DNAH10: variants seen among roughly 807,000 people sequenced by gnomAD.
The protein encoded by DNAH10 is axonemal beta dynein heavy chain 10.
DNAH10 carries 348 observed loss-of-function variants against 506.6 expected under a neutral mutation model. The observed-to-expected ratio is 0.69, with a 90% confidence interval of 0.63 to 0.75. The LOEUF (loss-of-function observed/expected upper bound fraction) is 0.75. Ranked by LOEUF, DNAH10 falls within the 30% of genes least tolerant of loss-of-function variation. The probability of loss-of-function intolerance (pLI) is 0.00; values close to 1 mark genes in which losing one functional copy is unlikely to be tolerated. For missense variants in DNAH10, 5,179 were observed against 5,787.1 expected (o/e 0.89, Z 3.41); for synonymous variants, 2,059 against 2,198.6 (o/e 0.94, Z 1.78).
rs912964766 is a variant in DNAH10 at position 123,903,334 on chromosome 12, C to T, written c.9815+221C>T. Reference sequence around the variant, plus strand: ...CGCCCCAGGCATCCAGATCCCCCAGCTAGTAGGAAGCAGGGCCTGCTGACC... The same window carrying T: ...CGCCCCAGGCATCCAGATCCCCCAGTTAGTAGGAAGCAGGGCCTGCTGACC... On this transcript the variant is annotated intron_variant, in intron 57 of 78. Transcript: ENST00000673944. The surrounding 1 kb of genome is among the most constrained non-coding windows in gnomAD (Gnocchi z 4.6). Among the ~76,000 whole-genome samples, 1 of 152,158 alleles carries T rather than the reference C, an allele frequency of 6.6e-6. No homozygotes were observed. The highest frequency in any genetic ancestry group is 1.5e-5 in the Non-Finnish European group (1 of 68,020).
chr12:123,797,513 C>T (rs1565915160), intron 13 of DNAH10, among the ~76,000 whole-genome samples: 1 of 152,270 alleles, frequency 6.6e-6, no homozygotes, highest in East Asian at 1.9e-4. Flanking sequence ...CTGCCTCAGC[C>T]TCCCGAGTAG....
At chr12:123,920,469 G>A (rs1042449806) in intron 65 of DNAH10, among the ~76,000 whole-genome samples, 3 of 152,240 alleles carry the variant, frequency 2.0e-5, no homozygotes, top group Admixed American at 6.5e-5. Context: ...CCATGGCTGT[G>A]TTCCAATAAA....
At chr12:123,922,267 G>T (rs1399411413) in intron 65 of DNAH10, among the ~76,000 whole-genome samples, 1 of 136,154 alleles carries the variant, frequency 7.3e-6, no homozygotes, top group East Asian at 2.0e-4. Context: ...CAGCTACTGG[G>T]GGGGAGGCTG....
intron 27 of DNAH10, among the ~76,000 whole-genome samples, chr12:123,835,051 T>C (rs955708046): frequency 1.3e-5 from 2 of 152,240 alleles, no homozygotes; most frequent in African/African-American, 2.4e-5. Context: ...GCGGAATTGC[T>C]GGGCACATGG....
At chr12:123,847,730 T>A (rs1565986798) in intron 32 of DNAH10, among the ~76,000 whole-genome samples, 1 of 152,210 alleles carries the variant, frequency 6.6e-6, no homozygotes, top group Admixed American at 6.5e-5. Flanking sequence ...GGGAGGGTCA[T>A]CTGCTTTTCT....
intron 42 of DNAH10, 131 bp from the exon 43 acceptor site, chr12:123,867,772 T>C: frequency 7.6e-7 from 1 of 1,322,638 alleles, no homozygotes; most frequent in Non-Finnish European, 1.0e-6. Flanking sequence ...CTGGGTTCCA[T>C]CTGTCTGAAC....
intron 49 of DNAH10, 100 bp from the exon 50 acceptor site, chr12:123,879,534 C>G (rs1372047203): frequency 7.8e-6 from 12 of 1,536,132 alleles, no homozygotes; most frequent in Non-Finnish European, 1.1e-5. Flanking sequence ...AAATAGAACG[C>G]AAATTATTTT....
intron 10 of DNAH10, among the ~76,000 whole-genome samples, chr12:123,789,002 C>T (rs1957975261): frequency 6.6e-6 from 1 of 151,900 alleles, no homozygotes; most frequent in Admixed American, 6.6e-5. Context: ...GTAATCCCAG[C>T]ACTTTGGGAG....
intron 59 of DNAH10, among the ~76,000 whole-genome samples, chr12:123,912,704 T>C (rs956219179): frequency 3.3e-5 from 5 of 152,180 alleles, no homozygotes; most frequent in African/African-American, 1.2e-4. Context: ...TAAGGTTAAT[T>C]TGATCATTTT....
chr12:123,927,485 CCAGGACCATT>C (rs1954999038), intron 69 of DNAH10: 1 of 153,660 alleles, frequency 6.5e-6, no homozygotes, highest in South Asian at 2.1e-4. Context: ...GAGGCTGAGC[CCAGGACCATT>C]CAGGACAGAA....
intron 13 of DNAH10, 105 bp from the exon 14 acceptor site, chr12:123,799,141 T>A: frequency 4.3e-5 from 26 of 600,460 alleles, no homozygotes; most frequent in South Asian, 7.3e-5. Flanking sequence ...ATGTTTATAA[T>A]AATTTATATA....
chr12:123,783,412 A>ATGATATTTTGGGTGTG, intron 7 of DNAH10, 148 bp downstream of exon 7: 1 of 911,096 alleles, frequency 1.1e-6, no homozygotes, highest in Non-Finnish European at 1.6e-6. Context: ...CACACCCAAA[A>ATGATATTTTGGGTGTG]TATCATTTCT....
At chr12:123,845,901 A>G (rs1950932960) in intron 31 of DNAH10, 32 bp downstream of exon 31, 2 of 1,612,738 alleles carry the variant, frequency 1.2e-6, no homozygotes, top group African/African-American at 1.3e-5. Context: ...TGGCATTTCA[A>G]AAGGGACCCT....
intron 56 of DNAH10, among the ~76,000 whole-genome samples, chr12:123,900,586 C>G (rs1953475216): frequency 6.6e-6 from 1 of 152,154 alleles, no homozygotes; most frequent in Non-Finnish European, 1.5e-5. Flanking sequence ...TCACCTTGCT[C>G]CCACTTGGAA....
chr12:123,887,377 T>A, intron 52 of DNAH10, 64 bp downstream of exon 52: 1 of 1,533,590 alleles, frequency 6.5e-7, no homozygotes, highest in Non-Finnish European at 8.7e-7. Context: ...GAGTTCACTT[T>A]CTTCAGCAGT....
rs201909135 is a variant in DNAH10, at chr12:123,887,330, C to A, written c.8995+17C>A. 2.5e-6 allele frequency: 4 copies of A among 1,608,486 alleles called. No homozygotes were observed. The highest frequency in any genetic ancestry group is 3.4e-6 in the Non-Finnish European group (4 of 1,178,086). ...TGACCTCAGGTACAGCCAAGGCTGG[C>A]GCCCGCTGTGGCCAACACCCCGCTC... On this transcript the variant is annotated intron_variant, in intron 52 of 78. Coordinates refer to ENST00000673944, the MANE Select transcript of DNAH10 (RefSeq NM_001372106.1).
intron 51 of DNAH10, among the ~76,000 whole-genome samples, chr12:123,882,727 G>A (rs1243526953): frequency 6.8e-6 from 1 of 147,560 alleles, no homozygotes; most frequent in East Asian, 2.0e-4. Flanking sequence ...GGGAGGCAGA[G>A]GTTGCAGTGA....
In DNAH10 at chr12:123,868,115, G is replaced by A. The variant is rs1566019045; in HGVS notation, c.7515G>A (p.Leu2505=). The A allele has an allele frequency of 1.2e-6, 2 of 1,612,354 alleles. No homozygotes were observed. The highest frequency in any genetic ancestry group is 1.1e-5 in the South Asian group (1 of 90,922). The change falls in exon 43 of 79, where the codon CTG becomes CTA. Residue 2505 remains leucine (L), a synonymous_variant. Coordinates refer to ENST00000673944, the MANE Select transcript of DNAH10 (RefSeq NM_001372106.1). ...TEGVWANPGE[L]PGQLPTLYDF... ...GAGTTTGGGCCAACCCTGGGGAACT[G>A]CCAGGTGGGAACCGAGTGTCGCCTG... is the stretch of plus-strand genomic sequence containing the variant.
Position 123,844,615 on chromosome 12 carries a change from G to A in DNAH10, c.5361-985G>A, listed in dbSNP as rs962326993. On this transcript the variant is annotated intron_variant, in intron 30 of 78. Coordinates refer to ENST00000673944, the MANE Select transcript of DNAH10 (RefSeq NM_001372106.1). ...CCTGCAAACCTGGGCAGTGTGGTCA[G>A]AGATTATGAAATTCTTTGTTGGAAT... Among the ~76,000 whole-genome samples the A allele has an allele frequency of 8.5e-5, 13 of 152,226 alleles. No individual in the cohort carries two copies. In the East Asian group the frequency reaches 2.5e-3, roughly 29 times the overall value.
Sources: allele counts gnomAD v4.1 joint callset (sites outside exome capture counted in the v4.1 genomes callset), GRCh38; gene constraint gnomAD v4.1.1; non-coding constraint Gnocchi (gnomAD v3.1); transcripts MANE v1.5; gene names NCBI Gene and HGNC (gene_info 2026-07-23, HGNC 2026-07-21).